Variants in ZBTB46 observed in about 807,000 individuals in gnomAD.
ZBTB46 encodes zinc finger and BTB domain containing 46.
ZBTB46 carries 8 observed loss-of-function variants against 44.1 expected under a neutral mutation model. The observed-to-expected ratio is 0.18, with a 90% CI of 0.11 to 0.33. ZBTB46 has a LOEUF of 0.33. Ranked by LOEUF, ZBTB46 falls within the 10% of genes least tolerant of loss-of-function variation. The pLI is 1.00. For missense variants in ZBTB46, 651 were observed against 847.7 expected (o/e 0.77, Z 2.88); for synonymous variants, 409 against 382.3 (o/e 1.07, Z -0.81).
rs147858055 is a variant in ZBTB46 at position 63,767,464 on chromosome 20, A to C, written c.1222+8214T>G. Among the ~76,000 whole-genome samples, 840 of 152,186 alleles carry C rather than the reference A, an allele frequency of 5.5e-3. 5 individuals are homozygous for C. The highest frequency in any genetic ancestry group is 0.018 in the African/African-American group (742 of 41,516). ...AAGGCACACACCGGCTCCCAGTCAC[A>C]GCTCTCCGCAGATATCCCCCTCCGA... On this transcript the variant is annotated intron_variant, in intron 3 of 4. Coordinates refer to ENST00000245663, the MANE Select transcript of ZBTB46 (RefSeq NM_001369741.1). This position sits in a 1 kb window ranked among gnomAD's most constrained non-coding sequence, Gnocchi z 5.0.
rs141237065 is a variant in ZBTB46 at position 63,747,044 on chromosome 20, G to T, written c.1656C>A (p.Asp552Glu). ...GCGCATCCTCAGGGGCCAGGCCCTC[G>T]TCGTCCTCGCCCAGCTCCTCCGCCT... ...RGEAEELGED[D>E]EGLAPEDALL... Residue 552 changes from aspartate to glutamate, a missense_variant, in exon 5 of 5, where the codon GAC (aspartate) becomes GAA (glutamate). Transcript: ENST00000245663. 5 of 1,608,040 alleles carry T rather than the reference G, an allele frequency of 3.1e-6. No homozygotes were observed. In the East Asian group the frequency reaches 8.9e-5, roughly 29 times the overall value.
At chr20:63,791,935 A>G (rs1426541169) in intron 1 of ZBTB46, among the ~76,000 whole-genome samples, 1 of 152,200 alleles carries the variant, frequency 6.6e-6, no homozygotes, top group East Asian at 1.9e-4. Context: ...CGTATTCTCA[A>G]GTCCAGAATC....
Position 63,773,332 on chromosome 20 carries a change from G to A in ZBTB46, c.1222+2346C>T, listed in dbSNP as rs1372922104. 2.0e-5 allele frequency among the ~76,000 whole-genome samples: 3 copies of A among 149,810 alleles called. No homozygotes were observed. In the East Asian group the frequency reaches 5.9e-4, roughly 29 times the overall value. On this transcript the variant is annotated intron_variant, in intron 3 of 4. Transcript: ENST00000245663. ...CAGCCTCAACCTCCTGGGCTCAAGC[G>A]ATCCTCCCACCTCAGCCGCCTGAGT...
At chr20:63,775,374 G>A (rs1402561308) in intron 3 of ZBTB46, 5 of 309,736 alleles carry the variant, frequency 1.6e-5, no homozygotes, top group East Asian at 1.1e-4. Context: ...TGCGCGACCC[G>A]GACGAGCTCG....
At chr20:63,765,190 CTT>C (rs552921957) in intron 3 of ZBTB46, among the ~76,000 whole-genome samples, 247 of 152,074 alleles carry the variant, frequency 1.6e-3, no homozygotes, top group African/African-American at 5.3e-3. Context: ...GGGTCCTCCT[CTT>C]TGTTTCTTGC....
At chr20:63,814,052 G>A (rs560522121) in intron 1 of ZBTB46, among the ~76,000 whole-genome samples, 2 of 150,892 alleles carry the variant, frequency 1.3e-5, no homozygotes, top group South Asian at 2.1e-4. Context: ...GGCTAACATC[G>A]TGAAACCCTG....
At chr20:63,819,366 G>A (rs2092778679) in intron 1 of ZBTB46, among the ~76,000 whole-genome samples, 1 of 152,190 alleles carries the variant, frequency 6.6e-6, no homozygotes, top group South Asian at 2.1e-4. Context: ...TCCCGAAGAA[G>A]ACGAGCCAGC....
At chr20:63,831,356 G>C (rs1177034318), upstream of ZBTB46, 1 of 140,816 alleles carries the variant, frequency 7.1e-6, no homozygotes, top group Non-Finnish European at 1.6e-5. Flanking sequence ...GCGCGCGCCC[G>C]GCCGCCGCTG....
intron 1 of ZBTB46, among the ~76,000 whole-genome samples, chr20:63,799,691 C>A (rs2092628939): frequency 6.6e-6 from 1 of 152,196 alleles, no homozygotes; most frequent in Non-Finnish European, 1.5e-5. Context: ...TGAACAGACA[C>A]ATCACAAAGA....
chr20:63,768,752 G>A (rs1277720973), intron 3 of ZBTB46, among the ~76,000 whole-genome samples: 1 of 152,066 alleles, frequency 6.6e-6, no homozygotes, highest in Admixed American at 6.6e-5. Flanking sequence ...AGGGCTCTGC[G>A]CGGCTCGGGC....
intron 4 of ZBTB46, among the ~76,000 whole-genome samples, chr20:63,749,608 T>C (rs976840479): frequency 2.0e-5 from 3 of 152,204 alleles, no homozygotes; most frequent in Admixed American, 2.0e-4. Flanking sequence ...AGTGCTGGGA[T>C]TACAGGCGTC....
intron 1 of ZBTB46, among the ~76,000 whole-genome samples, chr20:63,808,810 TA>T (rs1288529075): frequency 6.6e-6 from 1 of 150,794 alleles, no homozygotes; most frequent in Non-Finnish European, 1.5e-5. Flanking sequence ...CCGTCTCTAC[TA>T]AAAAATACAA....
chr20:63,764,118 G>A (rs967691551), intron 3 of ZBTB46, among the ~76,000 whole-genome samples: 3 of 151,902 alleles, frequency 2.0e-5, no homozygotes, highest in Non-Finnish European at 4.4e-5. Context: ...ACAGGCATGA[G>A]CCATTACACC....
rs2092554867 is a variant in ZBTB46 at position 63,790,784 on chromosome 20, A to G, written c.-27T>C. The G allele has an allele frequency of 3.8e-6, 6 of 1,570,664 alleles. No individual in the cohort carries two copies. The highest frequency in any genetic ancestry group is 5.2e-6 in the Non-Finnish European group (6 of 1,161,690). Reference sequence around the variant, plus strand: ...TGGAAGCCCTGGTGTCGCCTCTTCTACAGACTCTGTGGAGGTAAGAACAAG... The same window carrying G: ...TGGAAGCCCTGGTGTCGCCTCTTCTGCAGACTCTGTGGAGGTAAGAACAAG... On this transcript the variant is annotated 5_prime_UTR_variant, in exon 2 of 5. An upstream open reading frame in the 5' UTR loses its in-frame stop. Coordinates refer to ENST00000245663, the MANE Select transcript of ZBTB46 (RefSeq NM_001369741.1).
At chr20:63,765,019 A>G (rs1262089354) in intron 3 of ZBTB46, among the ~76,000 whole-genome samples, 1 of 139,806 alleles carries the variant, frequency 7.2e-6, no homozygotes, top group African/African-American at 2.7e-5. Flanking sequence ...CCCAGGTTCA[A>G]GTGATTCTTG....
chr20:63,821,929 AC>A (rs1336934769), intron 1 of ZBTB46, among the ~76,000 whole-genome samples: 1 of 152,186 alleles, frequency 6.6e-6, no homozygotes, highest in Non-Finnish European at 1.5e-5. Flanking sequence ...TTGTGATATC[AC>A]TAACAATTCT....
At chr20:63,792,324 C>A (rs6089997) in intron 1 of ZBTB46, among the ~76,000 whole-genome samples, 2 of 152,180 alleles carry the variant, frequency 1.3e-5, no homozygotes, top group African/African-American at 4.8e-5. Flanking sequence ...TAGGACTCAC[C>A]TGAAATGCTA....
In ZBTB46 at chr20:63,820,444, T is replaced by TA. The variant is rs1555858192; in HGVS notation, c.-34+10652_-34+10653insT. 5.2e-3 allele frequency among the ~76,000 whole-genome samples: 754 copies of TA among 145,790 alleles called. 3 individuals are homozygous for TA. Among genetic ancestry groups the TA allele is most frequent in the African/African-American group, 0.017 (639 of 38,620 alleles). Reference sequence around the variant, plus strand: ...TTAAGAAGTATATTATATATATATATTTTTTTTTTGAGACAGAGTTTTGCT... The same window carrying TA: ...TTAAGAAGTATATTATATATATATATATTTTTTTTTGAGACAGAGTTTTGCT... On this transcript the variant is annotated intron_variant, in intron 1 of 4. Transcript: ENST00000245663.
At chr20:63,814,299 A>C (rs1230055301) in intron 1 of ZBTB46, among the ~76,000 whole-genome samples, 1 of 151,874 alleles carries the variant, frequency 6.6e-6, no homozygotes, top group Non-Finnish European at 1.5e-5. Context: ...AGAGTGGGAG[A>C]GATGAGTAAG....
Sources: allele counts gnomAD v4.1 joint callset (sites outside exome capture counted in the v4.1 genomes callset), GRCh38; gene constraint gnomAD v4.1.1; non-coding constraint Gnocchi (gnomAD v3.1); transcripts MANE v1.5; gene names NCBI Gene and HGNC (gene_info 2026-07-23, HGNC 2026-07-21).